The following CSTPP1 variants were observed in gnomAD, a reference collection of about 807,000 sequenced individuals.
The protein encoded by CSTPP1 is UPF0705 protein C11orf49.
chr11:47,161,814 G>T, the CSTPP1 span: 1 of 1,404,426 alleles, frequency 7.1e-7, no homozygotes, highest in African/African-American at 1.5e-5. Flanking sequence ...CAGTGGCCCC[G>T]GAAGGTGAAT....
At chr11:46,975,263 C>T in the CSTPP1 span, among the ~76,000 whole-genome samples, 10 of 152,084 alleles carry the variant, frequency 6.6e-5, 1 homozygote, top group Non-Finnish European at 4.4e-5. Context: ...GGCGACAGAG[C>T]ATGACCCTCT....
chr11:46,960,655 A>G, the CSTPP1 span, among the ~76,000 whole-genome samples: 1 of 152,194 alleles, frequency 6.6e-6, no homozygotes, highest in Non-Finnish European at 1.5e-5. Context: ...GTTCGAGACC[A>G]GCCTGGCCAA....
chr11:47,119,394 C>T, the CSTPP1 span, among the ~76,000 whole-genome samples: 1 of 152,102 alleles, frequency 6.6e-6, no homozygotes, highest in Non-Finnish European at 1.5e-5. Flanking sequence ...GGGAACTCCC[C>T]GACCCCTTGT....
At chr11:46,985,243 G>A in the CSTPP1 span, among the ~76,000 whole-genome samples, 2 of 152,086 alleles carry the variant, frequency 1.3e-5, no homozygotes, top group Non-Finnish European at 2.9e-5. Flanking sequence ...AGGTCACCGC[G>A]ATCATTATGG....
the CSTPP1 span, among the ~76,000 whole-genome samples, chr11:47,051,691 C>CTTTT: frequency 7.5e-6 from 1 of 133,026 alleles, no homozygotes; most frequent in African/African-American, 2.8e-5. Context: ...TATCTTTTTT[C>CTTTT]TTTTTTTTTT....
chr11:47,007,237 G>T, the CSTPP1 span, among the ~76,000 whole-genome samples: 2 of 150,478 alleles, frequency 1.3e-5, no homozygotes, highest in Non-Finnish European at 3.0e-5. Flanking sequence ...CACCATGTTG[G>T]GCAGGCTGGT....
chr11:46,990,635 A>C, the CSTPP1 span, among the ~76,000 whole-genome samples: 6 of 152,268 alleles, frequency 3.9e-5, no homozygotes, highest in East Asian at 9.6e-4. Context: ...TAGTTTAATT[A>C]GGTCCCACTT....
chr11:47,064,244 A>AT, the CSTPP1 span, among the ~76,000 whole-genome samples: 10 of 150,546 alleles, frequency 6.6e-5, no homozygotes, highest in East Asian at 1.9e-4. Context: ...TGATTTGCAA[A>AT]TTTTTTTTCT....
chr11:47,024,378 T>C, the CSTPP1 span, among the ~76,000 whole-genome samples: 325 of 147,386 alleles, frequency 2.2e-3, no homozygotes, highest in African/African-American at 5.5e-3. Flanking sequence ...CTCTCTCTCT[T>C]TTTTTTTTTT....
the CSTPP1 span, among the ~76,000 whole-genome samples, chr11:47,151,563 G>A: frequency 2.8e-5 from 4 of 144,534 alleles, no homozygotes; most frequent in Non-Finnish European, 6.0e-5. Flanking sequence ...GATAGGACTT[G>A]GTGACTGGTT....
At chr11:46,969,104 A>G in the CSTPP1 span, among the ~76,000 whole-genome samples, 1 of 152,080 alleles carries the variant, frequency 6.6e-6, no homozygotes, top group Non-Finnish European at 1.5e-5. Context: ...CATTTTTTTT[A>G]AAAAGATGAA....
the CSTPP1 span, among the ~76,000 whole-genome samples, chr11:46,998,429 G>A: frequency 6.6e-6 from 1 of 152,176 alleles, no homozygotes; most frequent in Non-Finnish European, 1.5e-5. Context: ...GCTGTTTCTT[G>A]TCCCCAGAAA....
At chr11:46,966,464 G>A in the CSTPP1 span, among the ~76,000 whole-genome samples, 1 of 152,100 alleles carries the variant, frequency 6.6e-6, no homozygotes, top group Non-Finnish European at 1.5e-5. Flanking sequence ...GTGAAAGCTT[G>A]ACTTTTTATC....
chr11:47,114,993 G>T, the CSTPP1 span, among the ~76,000 whole-genome samples: 1 of 152,116 alleles, frequency 6.6e-6, no homozygotes, highest in Admixed American at 6.6e-5. Context: ...TTATTATTTT[G>T]AGATACGTTC....
the CSTPP1 span, among the ~76,000 whole-genome samples, chr11:47,064,403 C>T: frequency 3.3e-5 from 5 of 152,124 alleles, no homozygotes; most frequent in African/African-American, 1.2e-4. Context: ...AATCCAGTGT[C>T]ATGGAGATTT....
At chr11:47,161,545 G>C in the CSTPP1 span, 1 of 1,614,008 alleles carries the variant, frequency 6.2e-7, no homozygotes, top group South Asian at 1.1e-5. Flanking sequence ...CCCCTCCCCG[G>C]GTTGGCTCTC....
the CSTPP1 span, among the ~76,000 whole-genome samples, chr11:46,968,442 A>G: frequency 1.4e-5 from 2 of 147,800 alleles, no homozygotes; most frequent in Non-Finnish European, 3.0e-5. Flanking sequence ...ATACATATAT[A>G]TGTTTATCCC....
the CSTPP1 span, chr11:47,109,226 T>G: frequency 6.6e-6 from 1 of 152,238 alleles, no homozygotes; most frequent in Non-Finnish European, 1.5e-5. Flanking sequence ...TCTCGTCCAC[T>G]GTAGCCATGA....
At chr11:47,155,536 A>G in the CSTPP1 span, 6 of 525,872 alleles carry the variant, frequency 1.1e-5, no homozygotes, top group Admixed American at 9.6e-5. Context: ...GATAATGACA[A>G]TAACAACATC....
Sources: gnomAD v4.1 joint callset for allele counts (sites outside exome capture counted in the v4.1 genomes callset) on GRCh38, gnomAD v4.1.1 for gene constraint, MANE v1.5 for transcripts, NCBI Gene and HGNC (gene_info 2026-07-23, HGNC 2026-07-21) for gene names.